PLOD2: variants seen among roughly 807,000 people sequenced by gnomAD.
The protein encoded by PLOD2 is procollagen-lysine,2-oxoglutarate 5-dioxygenase 2, also known as lysine hydroxylase 2.
In PLOD2, 65 loss-of-function variants were observed where a neutral mutation model predicts 101.0. The ratio of observed to expected loss-of-function variants is 0.64; its 90% CI spans 0.53 to 0.79. PLOD2 has a LOEUF of 0.79. PLOD2 is among the 30% of genes least tolerant of loss of function. The probability of loss-of-function intolerance (pLI) is 0.00; values close to 1 mark genes in which losing one functional copy is unlikely to be tolerated. For synonymous variants in PLOD2, 314 were observed against 302.9 expected, an observed-to-expected ratio of 1.04 and a Z score of -0.38; for missense variants, 909 against 914.6, an observed-to-expected ratio of 0.99 and a Z score of 0.08.
intron 8 of PLOD2, among the ~76,000 whole-genome samples, chr3:146,090,695 G>A (rs1242821129): frequency 6.6e-6 from 1 of 151,726 alleles, no homozygotes; most frequent in Non-Finnish European, 1.5e-5. Context: ...GCTCCTACAT[G>A]TACACAAGTT....
intron 1 of PLOD2, among the ~76,000 whole-genome samples, chr3:146,160,603 C>G (rs2032526288): frequency 6.6e-6 from 1 of 152,148 alleles, no homozygotes; most frequent in Non-Finnish European, 1.5e-5. Context: ...CCATGACCTG[C>G]AAGTCCAAAA....
At chr3:146,133,312 A>G (rs899571902) in intron 1 of PLOD2, among the ~76,000 whole-genome samples, 1 of 152,222 alleles carries the variant, frequency 6.6e-6, no homozygotes, top group Non-Finnish European at 1.5e-5. Context: ...AAATAAATAC[A>G]GTGACATTTA....
intron 1 of PLOD2, among the ~76,000 whole-genome samples, chr3:146,133,447 A>C (rs141630874): frequency 1.3e-3 from 197 of 152,336 alleles, no homozygotes; most frequent in Middle Eastern, 6.8e-3. Context: ...AACTGCTTGC[A>C]ATAACTCCCT....
chr3:146,123,319 C>T (rs2108095846), intron 2 of PLOD2: 7 of 1,134,892 alleles, frequency 6.2e-6, no homozygotes, highest in East Asian at 7.4e-5. Context: ...CTGACAGATC[C>T]TTCTTTCTAT....
intron 17 of PLOD2, 147 bp downstream of exon 17, chr3:146,072,414 G>A (rs1936176430): frequency 3.0e-6 from 2 of 659,068 alleles, no homozygotes; most frequent in African/African-American, 1.8e-5. Context: ...GGGAGAAGTA[G>A]ACTGAAATCA....
At chr3:146,112,628 G>A (rs935703846) in intron 3 of PLOD2, among the ~76,000 whole-genome samples, 14 of 151,930 alleles carry the variant, frequency 9.2e-5, no homozygotes, top group African/African-American at 1.2e-4. Context: ...CAAGGCGGGC[G>A]GATCATGAGG....
chr3:146,099,880 CTT>C (rs5853264), intron 7 of PLOD2, among the ~76,000 whole-genome samples: 30 of 129,244 alleles, frequency 2.3e-4, no homozygotes, highest in Admixed American at 2.4e-4. Flanking sequence ...CAGTGACCAA[CTT>C]TTTTTTTTTT....
intron 2 of PLOD2, 121 bp downstream of exon 2, chr3:146,124,017 A>T (rs987874260): frequency 4.4e-6 from 3 of 678,386 alleles, no homozygotes; most frequent in Admixed American, 2.2e-5. Flanking sequence ...ACATGAACTA[A>T]CAGTAATTAT....
At chr3:146,092,285 G>A (rs557968404) in intron 7 of PLOD2, among the ~76,000 whole-genome samples, 1 of 152,126 alleles carries the variant, frequency 6.6e-6, no homozygotes, top group South Asian at 2.1e-4. Flanking sequence ...TTAGTAATAA[G>A]ATAAACCTGT....
At chr3:146,096,891 AGT>A (rs1559846496) in intron 7 of PLOD2, among the ~76,000 whole-genome samples, 2 of 74,560 alleles carry the variant, frequency 2.7e-5, no homozygotes, top group Admixed American at 1.2e-4. Flanking sequence ...GGGGGGGGGG[AGT>A]CGGCCAGCCG....
At position 146,124,166 on chromosome 3, in the gene PLOD2, G is replaced by T. The variant is rs746985708; in HGVS notation, c.173C>A (p.Ser58Ter). The T allele has an allele frequency of 6.3e-7, 1 of 1,586,028 alleles. No homozygotes were observed. The highest frequency in any genetic ancestry group is 1.1e-5 in the South Asian group (1 of 90,488). ...ESDGFHRFMQ[S>*]AKYFNYTVKV... ...CACAGTATAATTGAAATATTTGGCT[G>T]ACTGCATAAATCGATGGAATCCATC... The change falls in exon 2 of 20, where the codon TCA becomes TAA. Residue 58 changes from serine to a stop codon, truncating the protein, a stop_gained. Coordinates refer to ENST00000282903, the MANE Select transcript of PLOD2 (RefSeq NM_182943.3). LOFTEE classifies it high-confidence loss of function.
intron 4 of PLOD2, among the ~76,000 whole-genome samples, chr3:146,107,661 G>A (rs1327077550): frequency 1.8e-5 from 2 of 108,760 alleles, no homozygotes; most frequent in African/African-American, 7.5e-5. Context: ...TTTGGAGACA[G>A]AGTCTCGCTC....
chr3:146,124,323 C>A (rs150662507), intron 1 of PLOD2, 94 bp from the exon 2 acceptor site: 42 of 717,156 alleles, frequency 5.9e-5, no homozygotes, highest in Middle Eastern at 6.5e-4. Flanking sequence ...TCACTAAACC[C>A]GTGGGAATAT....
At chr3:146,133,120 G>A (rs1040774700) in intron 1 of PLOD2, among the ~76,000 whole-genome samples, 1 of 152,120 alleles carries the variant, frequency 6.6e-6, no homozygotes, top group African/African-American at 2.4e-5. Context: ...AGCTTGCAGT[G>A]AGCGGAGATC....
intron 1 of PLOD2, among the ~76,000 whole-genome samples, chr3:146,146,375 T>C (rs1483332847): frequency 6.6e-6 from 1 of 152,172 alleles, no homozygotes; most frequent in African/African-American, 2.4e-5. Flanking sequence ...TCCTGTGAGA[T>C]TTGAAAAACA....
chr3:146,085,064 C>A, intron 11 of PLOD2, 105 bp downstream of exon 11: 1 of 640,084 alleles, frequency 1.6e-6, no homozygotes, highest in South Asian at 1.9e-5. Context: ...TAGAACATAA[C>A]TAAGTTCCCT....
At chr3:146,128,782 C>A (rs2030734111) in intron 1 of PLOD2, among the ~76,000 whole-genome samples, 1 of 148,356 alleles carries the variant, frequency 6.7e-6, no homozygotes, top group South Asian at 2.2e-4. Flanking sequence ...CACAATTTTT[C>A]TATTCAAAAA....
chr3:146,134,496 AG>A (rs756221441), intron 1 of PLOD2, among the ~76,000 whole-genome samples: 5 of 152,218 alleles, frequency 3.3e-5, no homozygotes, highest in African/African-American at 4.8e-5. Flanking sequence ...CAAATGAATG[AG>A]AAACCTTCTT....
intron 15 of PLOD2, 107 bp from the exon 16 acceptor site, chr3:146,073,459 T>G (rs1576570356): frequency 4.3e-6 from 2 of 461,156 alleles, no homozygotes; most frequent in East Asian, 3.4e-5. Flanking sequence ...TGATTATGTA[T>G]AGTGGACAAA....
Sources: allele counts gnomAD v4.1 joint callset (sites outside exome capture counted in the v4.1 genomes callset), GRCh38; gene constraint gnomAD v4.1.1; transcripts MANE v1.5; gene names NCBI Gene and HGNC (gene_info 2026-07-23, HGNC 2026-07-21).